The following TRPS1 variants were observed in gnomAD, a reference collection of about 807,000 sequenced individuals.
TRPS1 encodes the protein zinc finger transcription factor Trps1.
TRPS1 carries 6 observed loss-of-function variants against 101.2 expected under a neutral mutation model. That is an observed-to-expected ratio of 0.06 (90% CI 0.03 to 0.12). The LOEUF (loss-of-function observed/expected upper bound fraction) is 0.12. TRPS1 is among the 10% of genes least tolerant of loss of function. The probability of loss-of-function intolerance (pLI) is 1.00; values close to 1 mark genes in which losing one functional copy is unlikely to be tolerated. For missense variants in TRPS1, 1,363 were observed against 1,567.0 expected, an observed-to-expected ratio of 0.87 and a Z score of 2.20; for synonymous variants, 578 against 589.8, an observed-to-expected ratio of 0.98 and a Z score of 0.29.
chr8:115,555,730 G>A (rs1387084359), intron 5 of TRPS1, among the ~76,000 whole-genome samples: 1 of 152,154 alleles, frequency 6.6e-6, no homozygotes, highest in East Asian at 1.9e-4. Context: ...GACTAGCAGG[G>A]CACAGTGGCT....
intron 5 of TRPS1, among the ~76,000 whole-genome samples, chr8:115,490,636 C>T (rs1814997988): frequency 6.6e-6 from 1 of 152,026 alleles, no homozygotes. Flanking sequence ...GCTGTCATTC[C>T]TTTTGTCTGT....
In TRPS1 at chr8:115,603,858, C is replaced by T; in HGVS notation, c.2096+15G>A. On this transcript the variant is annotated intron_variant, in intron 4 of 6. Transcript: ENST00000395715. ...TATTTGTATATTCCTCCCGACCCCA[C>T]CCCCCATGCCTCACCTGTAGTGTCG... 2 of 1,613,594 alleles carry T rather than the reference C, an allele frequency of 1.2e-6. No homozygotes were observed. The highest frequency in any genetic ancestry group is 1.7e-5 in the Admixed American group (1 of 59,954).
At chr8:115,455,993 C>G (rs374178746) in intron 5 of TRPS1, among the ~76,000 whole-genome samples, 1 of 151,826 alleles carries the variant, frequency 6.6e-6, no homozygotes, top group Non-Finnish European at 1.5e-5. Context: ...ACCGTGTTAG[C>G]CAGGATGGTC....
intron 5 of TRPS1, among the ~76,000 whole-genome samples, chr8:115,457,162 T>C (rs17658760): frequency 0.028 from 4,235 of 152,252 alleles, 92 homozygotes; most frequent in Middle Eastern, 0.044. Flanking sequence ...AAAACAGTTT[T>C]GATAAAAAGA....
chr8:115,528,594 C>A (rs1298812684), intron 5 of TRPS1, among the ~76,000 whole-genome samples: 1 of 151,962 alleles, frequency 6.6e-6, no homozygotes, highest in Non-Finnish European at 1.5e-5. Flanking sequence ...CATTATTAAT[C>A]CAGCTACTAT....
At chr8:115,541,302 C>T (rs1316952009) in intron 5 of TRPS1, among the ~76,000 whole-genome samples, 1 of 152,032 alleles carries the variant, frequency 6.6e-6, no homozygotes, top group African/African-American at 2.4e-5. Flanking sequence ...TTTTGATATC[C>T]ATCTTTCTTT....
Position 115,415,187 on chromosome 8 carries a change from G to C in TRPS1, c.2824-103C>G, listed in dbSNP as rs1812889442. The C allele has an allele frequency of 2.4e-5, 30 of 1,235,286 alleles. No individual in the cohort carries two copies. The South Asian group carries it at 4.6e-4, about 19-fold the overall frequency. The allele number at this position is 1,235,286 out of a possible 1,614,324, so 76.5% of individuals were successfully genotyped here. ...ATAAACCATGCTTAAGTTCAAAGCA[G>C]GGATAGGCTTTCTGCTGTAGATTTA... On this transcript the variant is annotated intron_variant, in intron 6 of 6. Transcript: ENST00000395715.
At chr8:115,485,546 C>T (rs1170665907) in intron 5 of TRPS1, among the ~76,000 whole-genome samples, 1 of 152,048 alleles carries the variant, frequency 6.6e-6, no homozygotes, top group Non-Finnish European at 1.5e-5. Context: ...TACAGTGTAC[C>T]CCATGCTTGC....
At chr8:115,629,905 CACATGTCTATTATAG>C (rs1818601212) in intron 1 of TRPS1, among the ~76,000 whole-genome samples, 1 of 151,874 alleles carries the variant, frequency 6.6e-6, no homozygotes, top group African/African-American at 2.4e-5. Context: ...AATCAGTAAA[CACATGTCTATTATAG>C]ACCCTATCTC....
At chr8:115,437,872 G>C (rs150430812) in intron 5 of TRPS1, among the ~76,000 whole-genome samples, 2 of 152,134 alleles carry the variant, frequency 1.3e-5, no homozygotes, top group East Asian at 3.9e-4. Flanking sequence ...CATAGAGATC[G>C]TGAGACTACT....
chr8:115,537,270 C>T lies in TRPS1; in HGVS notation c.2700+49731G>A, dbSNP rs1035132486. 8.5e-5 allele frequency among the ~76,000 whole-genome samples: 13 copies of T among 152,208 alleles called. No individual in the cohort carries two copies. In the South Asian group the frequency reaches 1.7e-3, roughly 19 times the overall value. On this transcript the variant is annotated intron_variant, in intron 5 of 6. Transcript: ENST00000395715. ...TTATCTAAGAAATGCTTCTGGAAAACGTTCATAGTTATGATTCATTCTGTT... is the reference window on the plus strand; with the variant it reads ...TTATCTAAGAAATGCTTCTGGAAAATGTTCATAGTTATGATTCATTCTGTT...
chr8:115,539,091 C>T (rs1816390521), intron 5 of TRPS1, among the ~76,000 whole-genome samples: 1 of 152,130 alleles, frequency 6.6e-6, no homozygotes. Flanking sequence ...AACTCTACTT[C>T]CTGATTTGTT....
chr8:115,474,645 T>C (rs1243391045), intron 5 of TRPS1, among the ~76,000 whole-genome samples: 1 of 152,108 alleles, frequency 6.6e-6, no homozygotes, highest in Non-Finnish European at 1.5e-5. Flanking sequence ...TGTTCAATGG[T>C]GTTGCAAACT....
chr8:115,535,073 C>A (rs1816250564), intron 5 of TRPS1, among the ~76,000 whole-genome samples: 1 of 144,182 alleles, frequency 6.9e-6, no homozygotes, highest in African/African-American at 2.5e-5. Context: ...TATATATAAG[C>A]ATATATATAG....
At position 115,536,152 on chromosome 8, in the gene TRPS1, T is replaced by C. The variant is rs145811765; in HGVS notation, c.2700+50849A>G. Among the ~76,000 whole-genome samples the C allele has an allele frequency of 5.0e-4, 76 of 152,284 alleles. No homozygotes were observed. The East Asian group carries it at 0.014, about 29-fold the overall frequency. On this transcript the variant is annotated intron_variant, in intron 5 of 6. Coordinates refer to ENST00000395715, the MANE Select transcript of TRPS1 (RefSeq NM_014112.5). ...CAAATACGTAATACAGACAAAGATG[T>C]AATTTTACATAATGTAATTCATTTA...
At chr8:115,543,606 G>T (rs942408124) in intron 5 of TRPS1, among the ~76,000 whole-genome samples, 28 of 94,686 alleles carry the variant, frequency 3.0e-4, no homozygotes, top group Non-Finnish European at 2.8e-4. Context: ...ATTGAAAAAT[G>T]ATGTCCTCAT....
chr8:115,451,830 G>A (rs1472472388), intron 5 of TRPS1, among the ~76,000 whole-genome samples: 1 of 152,098 alleles, frequency 6.6e-6, no homozygotes, highest in Non-Finnish European at 1.5e-5. Context: ...GAGAAAGAAC[G>A]TGCTCAGAAG....
chr8:115,650,302 G>T (rs945672425), intron 1 of TRPS1, among the ~76,000 whole-genome samples: 6 of 152,156 alleles, frequency 3.9e-5, no homozygotes, highest in Admixed American at 1.3e-4. Flanking sequence ...AAGCATGTTG[G>T]TATAATGCAA....
chr8:115,510,746 C>T (rs762830928), intron 5 of TRPS1, among the ~76,000 whole-genome samples: 1 of 151,888 alleles, frequency 6.6e-6, no homozygotes, highest in Non-Finnish European at 1.5e-5. Context: ...ACAGATGTCA[C>T]GTTGCTTTAT....
Sources: allele counts gnomAD v4.1 joint callset (sites outside exome capture counted in the v4.1 genomes callset), GRCh38; gene constraint gnomAD v4.1.1; transcripts MANE v1.5; gene names NCBI Gene and HGNC (gene_info 2026-07-23, HGNC 2026-07-21).